DUOX1: variants seen among roughly 807,000 people sequenced by gnomAD.
DUOX1 encodes the protein dual oxidase 1.
A neutral mutation model predicts 181.8 loss-of-function variants in DUOX1; 134 were observed. That is an observed-to-expected ratio of 0.74 (90% confidence interval 0.64 to 0.85). DUOX1 has a LOEUF of 0.85. DUOX1 is among the 40% of genes least tolerant of loss of function. The pLI is 0.00. For synonymous variants in DUOX1, 798 were observed against 832.5 expected (o/e 0.96, Z 0.71); for missense variants, 1,814 against 2,064.4 (o/e 0.88, Z 2.35).
intron 14 of DUOX1, 96 bp from the exon 15 acceptor site, chr15:45,141,878 GC>G: frequency 1.4e-6 from 2 of 1,406,094 alleles, no homozygotes; most frequent in East Asian, 2.3e-5. Context: ...TACCCAGAGT[GC>G]CCCCACCCCC....
At position 45,131,942 on chromosome 15, in the gene DUOX1, T is replaced by A. The variant is rs1475556559; in HGVS notation, c.-25T>A. Reference sequence around the variant, plus strand: ...GGGTCTCCATTTTGGGACATTCTAATCCCTGAGCCCCTATTATTTTCATCA... The same window carrying A: ...GGGTCTCCATTTTGGGACATTCTAAACCCTGAGCCCCTATTATTTTCATCA... On this transcript the variant is annotated 5_prime_UTR_variant, in exon 2 of 34. Transcript: ENST00000389037. The A allele has an allele frequency of 1.2e-6, 2 of 1,613,414 alleles. No individual in the cohort carries two copies. The highest frequency in any genetic ancestry group is 1.3e-5 in the African/African-American group (1 of 74,912).
At chr15:45,139,307 A>G in intron 11 of DUOX1, 120 bp from the exon 12 acceptor site, 2 of 1,591,614 alleles carry the variant, frequency 1.3e-6, no homozygotes, top group Non-Finnish European at 1.7e-6. Context: ...AGCTTCTGAC[A>G]TGCTGACCAT....
At position 45,147,945 on chromosome 15, in the gene DUOX1, G is replaced by A. The variant is rs1479934167; in HGVS notation, c.2590G>A (p.Asp864Asn). Residue 864 changes from aspartate (D) to asparagine (N), a missense_variant, in exon 20 of 34, where the codon GAC (aspartate) becomes AAC (asparagine). Physicochemically the swap from Asp to Asn is conservative, Grantham distance 23. Around this residue, in one of 5 missense-constraint regions of DUOX1, gnomAD observed 1,064 missense variants for 1,152.9 expected, o/e 0.92. Transcript: ENST00000389037. ...GTCTCGCCTTATGTTCCGCATGTAC[G>A]ACTTTGATGGGAATGGCCTCATTTC... ...EKSRLMFRMY[D>N]FDGNGLISKD... 1.2e-6 allele frequency: 2 copies of A among 1,614,186 alleles called. No individual in the cohort carries two copies. The highest frequency in any genetic ancestry group is 1.7e-6 in the Non-Finnish European group (2 of 1,180,032).
intron 9 of DUOX1, among the ~76,000 whole-genome samples, chr15:45,137,360 C>CAA (rs748162336): frequency 0.025 from 1,137 of 45,618 alleles, 57 homozygotes; most frequent in African/African-American, 0.067. Flanking sequence ...AACTCCATCT[C>CAA]AAAAAAAAAA....
intron 33 of DUOX1, among the ~76,000 whole-genome samples, chr15:45,164,545 T>C (rs1897181629): frequency 6.6e-6 from 1 of 152,026 alleles, no homozygotes; most frequent in African/African-American, 2.4e-5. Flanking sequence ...ACCAGTTTAC[T>C]GTAACCTCCA....
intron 2 of DUOX1, 59 bp from the exon 3 acceptor site, chr15:45,133,805 C>T (rs890819829): frequency 2.7e-5 from 40 of 1,486,444 alleles, no homozygotes; most frequent in Non-Finnish European, 3.3e-5. Context: ...TCCGGCAGGC[C>T]TGCCTGTCCT....
rs757317723 is a variant in DUOX1 at position 45,145,035 on chromosome 15, G to A, written c.2277G>A (p.Gln759=). 6.2e-6 allele frequency: 10 copies of A among 1,613,250 alleles called. No individual in the cohort carries two copies. The highest frequency in any genetic ancestry group is 5.9e-6 in the Non-Finnish European group (7 of 1,179,726). ...TGAGAGCAGCTGTGACACGGGAGCA[G>A]CGGAGGCACCTCCTGGAGACCTTTT... The part of the protein sequence containing the change: ...ELMRAAVTRE[Q]RRHLLETFFR... Residue 759 remains glutamine, a synonymous_variant, in exon 18 of 34, where the codon CAG becomes CAA. Coordinates refer to ENST00000389037, the MANE Select transcript of DUOX1 (RefSeq NM_175940.3).
chr15:45,152,586 G>GC (rs958378997), intron 25 of DUOX1, 70 bp downstream of exon 25: 11 of 1,384,806 alleles, frequency 7.9e-6, no homozygotes, highest in African/African-American at 5.7e-5. Flanking sequence ...TCGTATGAGA[G>GC]CCCCCCTCTC....
At chr15:45,158,889 G>A (rs1897030575) in intron 28 of DUOX1, among the ~76,000 whole-genome samples, 1 of 152,104 alleles carries the variant, frequency 6.6e-6, no homozygotes, top group Non-Finnish European at 1.5e-5. Context: ...CTTGATATAG[G>A]ATTAATTGCT....
At chr15:45,160,213 G>A (rs148355626) in intron 28 of DUOX1, among the ~76,000 whole-genome samples, 20 of 152,278 alleles carry the variant, frequency 1.3e-4, no homozygotes, top group African/African-American at 4.8e-4. Flanking sequence ...GAGTTAACAG[G>A]CAGATGTGGT....
intron 9 of DUOX1, among the ~76,000 whole-genome samples, chr15:45,137,538 TA>T (rs1215147220): frequency 6.6e-6 from 1 of 152,070 alleles, no homozygotes; most frequent in Non-Finnish European, 1.5e-5. Flanking sequence ...GTCTGAGAAA[TA>T]GACAATTGAG....
chr15:45,141,203 C>T, intron 13 of DUOX1, 89 bp from the exon 14 acceptor site: 1 of 1,566,740 alleles, frequency 6.4e-7, no homozygotes, highest in Non-Finnish European at 8.8e-7. Context: ...ACCTCTGGGT[C>T]TCTTTTCTCA....
In DUOX1 at chr15:45,139,442, C is replaced by CAGAAA; in HGVS notation, c.1233_1234insGAAAA (p.Leu412GlufsTer3). 6.2e-7 allele frequency: 1 copy of CAGAAA among 1,612,662 alleles called. No individual in the cohort carries two copies. The highest frequency in any genetic ancestry group is 8.5e-7 in the Non-Finnish European group (1 of 1,179,616). On this transcript the variant is annotated frameshift_variant, in exon 12 of 34. Transcript: ENST00000389037. LOFTEE classifies it high-confidence loss of function. ...TTGTCTCCAGATTTCTGGCCTGGGC[C>CAGAAA]ACTGAAGTTTTCCCGCACAGACCAC...
chr15:45,139,349 G>GGGC (rs1896430107), intron 11 of DUOX1, 78 bp from the exon 12 acceptor site: 1 of 1,589,676 alleles, frequency 6.3e-7, no homozygotes, highest in Admixed American at 1.8e-5. Flanking sequence ...CCTGGGGCTG[G>GGGC]TTGGAGCTTG....
intron 21 of DUOX1, chr15:45,148,679 A>T (rs1896725172): frequency 4.3e-6 from 1 of 232,700 alleles, no homozygotes; most frequent in African/African-American, 2.3e-5. Flanking sequence ...GGAGGAAAGG[A>T]CCCAAAAAGG....
chr15:45,137,174 C>T (rs1334419816), intron 9 of DUOX1, among the ~76,000 whole-genome samples: 1 of 138,346 alleles, frequency 7.2e-6, no homozygotes, highest in Non-Finnish European at 1.5e-5. Flanking sequence ...ATGCAGAAAC[C>T]TCGTCTCTAC....
At chr15:45,141,488 T>A in intron 14 of DUOX1, 78 bp downstream of exon 14, 1 of 1,442,888 alleles carries the variant, frequency 6.9e-7, no homozygotes, top group Non-Finnish European at 9.8e-7. Flanking sequence ...TGGCTCAATG[T>A]GGCTGAACGT....
chr15:45,163,424 A>G (rs1313992764), intron 31 of DUOX1, 108 bp from the exon 32 acceptor site: 19 of 1,497,118 alleles, frequency 1.3e-5, no homozygotes, highest in Non-Finnish European at 1.5e-5. Context: ...CTGTCTAGGG[A>G]AGGGCACAAG....
In DUOX1 at chr15:45,144,909, C is replaced by T. The variant is rs1015349434; in HGVS notation, c.2151C>T (p.Asn717=). 6.2e-7 allele frequency: 1 copy of T among 1,611,308 alleles called. No homozygotes were observed. Among genetic ancestry groups the T allele is most frequent in the Non-Finnish European group, 8.5e-7 (1 of 1,178,942 alleles). ...TGCCCCCTTAGGTGCTGCTGTTTAA[C>T]TTGGAGGAAGAGCGGCAGGCGCTGG... ...PKEYDLVLLF[N]LEEERQALVE... is the part of the protein sequence containing the mutation. Residue 717 remains asparagine, a synonymous_variant, in exon 18 of 34, where the codon AAC becomes AAT. Transcript: ENST00000389037.
Sources: gnomAD v4.1 joint callset for allele counts (sites outside exome capture counted in the v4.1 genomes callset) on GRCh38, gnomAD v4.1.1 for gene constraint, gnomAD v4.1.1 regional missense constraint, MANE v1.5 for transcripts, NCBI Gene and HGNC (gene_info 2026-07-23, HGNC 2026-07-21) for gene names.